The following ZNF385B variants were observed in gnomAD, a reference collection of about 807,000 sequenced individuals.
ZNF385B encodes zinc finger protein 533.
ZNF385B carries 23 observed loss-of-function variants against 39.2 expected under a neutral mutation model. That is an observed-to-expected ratio of 0.59 (90% CI 0.42 to 0.83). The LOEUF is 0.83. ZNF385B is among the 40% of genes least tolerant of loss of function. The probability of loss-of-function intolerance (pLI) is 0.00; values close to 1 mark genes in which losing one functional copy is unlikely to be tolerated. For missense variants in ZNF385B, 552 were observed against 598.9 expected, an observed-to-expected ratio of 0.92 and a Z score of 0.82; for synonymous variants, 205 against 222.6, an observed-to-expected ratio of 0.92 and a Z score of 0.70.
chr2:179,802,823 T>C (rs1024443856), intron 1 of ZNF385B, among the ~76,000 whole-genome samples: 9 of 152,126 alleles, frequency 5.9e-5, no homozygotes, highest in Non-Finnish European at 1.0e-4. Flanking sequence ...TGCTGCTTGT[T>C]ATAAGGTCTG....
At chr2:179,833,835 T>C (rs1488908393) in intron 1 of ZNF385B, among the ~76,000 whole-genome samples, 5 of 152,094 alleles carry the variant, frequency 3.3e-5, no homozygotes, top group African/African-American at 1.2e-4. Context: ...AGAAAAAGAA[T>C]GCAGGTAACT....
Position 179,749,115 on chromosome 2 carries a change from TACAGCA to T in ZNF385B, c.298+20382_298+20387del. Among the ~76,000 whole-genome samples the T allele has an allele frequency of 3.3e-5, 5 of 152,132 alleles. 1 individual carries two copies. The highest frequency in any genetic ancestry group is 3.3e-4 in the Admixed American group (5 of 15,236). On this transcript the variant is annotated intron_variant, in intron 3 of 9. Transcript: ENST00000410066. ...TGGTGCCCTGAAGGTTTGATGGAGT[TACAGCA>T]GCTTCCAAAAGTAACTTACTATCCT...
At chr2:179,464,819 T>C (rs1559271935) in intron 6 of ZNF385B, among the ~76,000 whole-genome samples, 1 of 152,216 alleles carries the variant, frequency 6.6e-6, no homozygotes, top group Non-Finnish European at 1.5e-5. Context: ...CAGGATTGTC[T>C]TGGCTATGTG....
chr2:179,754,090 A>AT (rs1702857860), intron 3 of ZNF385B, among the ~76,000 whole-genome samples: 1 of 152,054 alleles, frequency 6.6e-6, no homozygotes, highest in South Asian at 2.1e-4. Flanking sequence ...AGCTCTTATT[A>AT]TTTTCAGATA....
At chr2:179,529,138 G>A (rs1306176678) in intron 4 of ZNF385B, among the ~76,000 whole-genome samples, 8 of 152,238 alleles carry the variant, frequency 5.3e-5, no homozygotes, top group Non-Finnish European at 8.8e-5. Context: ...TATCGCATAG[G>A]TGTTCATATT....
At chr2:179,721,891 A>G (rs1700720307) in intron 3 of ZNF385B, among the ~76,000 whole-genome samples, 1 of 152,076 alleles carries the variant, frequency 6.6e-6, no homozygotes, top group Admixed American at 6.5e-5. Context: ...AAAAAACAAT[A>G]CAAGGTCTAA....
chr2:179,556,783 T>C (rs2060933512), intron 3 of ZNF385B, among the ~76,000 whole-genome samples: 1 of 149,086 alleles, frequency 6.7e-6, no homozygotes, highest in South Asian at 2.2e-4. Flanking sequence ...CTGATGCTGA[T>C]GCTTCTTTGC....
At chr2:179,540,023 C>T (rs1208506104) in intron 4 of ZNF385B, among the ~76,000 whole-genome samples, 2 of 152,166 alleles carry the variant, frequency 1.3e-5, no homozygotes, top group African/African-American at 2.4e-5. Context: ...TAACTAAATA[C>T]TCTTAAAGCT....
intron 3 of ZNF385B, 52 bp from the exon 4 acceptor site, chr2:179,545,021 C>T: frequency 1.2e-6 from 2 of 1,610,610 alleles, no homozygotes; most frequent in South Asian, 2.2e-5. Context: ...CATCCATCTC[C>T]CTCCCAAACC....
chr2:179,673,900 A>G (rs1696391909), intron 3 of ZNF385B, among the ~76,000 whole-genome samples: 1 of 152,226 alleles, frequency 6.6e-6, no homozygotes. Flanking sequence ...AATAAGATTT[A>G]TAAACCTTTT....
chr2:179,602,457 C>A lies in ZNF385B; in HGVS notation c.299-57488G>T, dbSNP rs566793563. On this transcript the variant is annotated intron_variant, in intron 3 of 9. Transcript: ENST00000410066. Reference sequence around the variant, plus strand: ...GTGATCCACCTGCCTTGGCCTCCTCCCAAAGTGCTGGGATTACAGGTGTGA... The same window carrying A: ...GTGATCCACCTGCCTTGGCCTCCTCACAAAGTGCTGGGATTACAGGTGTGA... Among the ~76,000 whole-genome samples the A allele has an allele frequency of 3.3e-5, 5 of 152,164 alleles. No homozygotes were observed. In the East Asian group the frequency reaches 9.7e-4, roughly 29 times the overall value.
intron 5 of ZNF385B, among the ~76,000 whole-genome samples, chr2:179,511,645 C>G (rs192159770): frequency 6.5e-4 from 99 of 152,296 alleles, no homozygotes; most frequent in South Asian, 1.2e-3. Context: ...AAGAGTAGCA[C>G]AGTCAGGTCA....
intron 3 of ZNF385B, among the ~76,000 whole-genome samples, chr2:179,679,489 C>A (rs937062242): frequency 6.6e-6 from 1 of 152,084 alleles, no homozygotes; most frequent in Non-Finnish European, 1.5e-5. Context: ...CTAAACTGAC[C>A]CTGGCTTACA....
chr2:179,673,049 C>T (rs142399475), intron 3 of ZNF385B, among the ~76,000 whole-genome samples: 238 of 152,224 alleles, frequency 1.6e-3, no homozygotes, highest in African/African-American at 5.4e-3. Context: ...CAAGAAAAGC[C>T]GTCTGTTTTG....
rs139880905 is a variant in ZNF385B, at chr2:179,771,083, G to C, written c.-154-411C>G. Among the ~76,000 whole-genome samples the C allele has an allele frequency of 7.3e-3, 1,111 of 152,234 alleles. 9 individuals carry two copies. The highest frequency in any genetic ancestry group is 0.025 in the African/African-American group (1,020 of 41,528). On this transcript the variant is annotated intron_variant, in intron 1 of 9. Coordinates refer to ENST00000410066, the MANE Select transcript of ZNF385B (RefSeq NM_152520.6). ...GGTATGTGTGGGAAAGAATGGCTGA[G>C]GTGGCAGTGCTGTGCCATAAGAGAT...
chr2:179,731,302 A>T lies in ZNF385B; in HGVS notation c.298+38201T>A, dbSNP rs1284622780. ...ATGAGGTACATTTCATAAATGAGAA[A>T]ACTGAGTTTAGGGAGGTAAGAGAAC... On this transcript the variant is annotated intron_variant, in intron 3 of 9. Coordinates refer to ENST00000410066, the MANE Select transcript of ZNF385B (RefSeq NM_152520.6). Among the ~76,000 whole-genome samples the T allele has an allele frequency of 3.9e-5, 6 of 152,318 alleles. No homozygotes were observed. The East Asian group carries it at 1.2e-3, about 29-fold the overall frequency.
chr2:179,811,609 T>C (rs1422423338), intron 1 of ZNF385B, among the ~76,000 whole-genome samples: 1 of 152,212 alleles, frequency 6.6e-6, no homozygotes, highest in South Asian at 2.1e-4. Flanking sequence ...TGAAGAAGAA[T>C]AAAACTAGAC....
At position 179,504,825 on chromosome 2, in the gene ZNF385B, A is replaced by C. The variant is rs527256770; in HGVS notation, c.552+13703T>G. 2.6e-5 allele frequency among the ~76,000 whole-genome samples: 4 copies of C among 152,100 alleles called. No individual in the cohort carries two copies. In the East Asian group the frequency reaches 5.8e-4, roughly 22 times the overall value. ...AAGTATAATTTAAAGAAAAAAAAAA[A>C]AACCAGATCTCAGGAGAACTCACTC... On this transcript the variant is annotated intron_variant, in intron 5 of 9. Coordinates refer to ENST00000410066, the MANE Select transcript of ZNF385B (RefSeq NM_152520.6).
chr2:179,506,687 G>T (rs1231269019), intron 5 of ZNF385B, among the ~76,000 whole-genome samples: 1 of 151,970 alleles, frequency 6.6e-6, no homozygotes, highest in Non-Finnish European at 1.5e-5. Flanking sequence ...AATATTTAGT[G>T]GCATAGTACT....
Sources: allele counts gnomAD v4.1 joint callset (sites outside exome capture counted in the v4.1 genomes callset), GRCh38; gene constraint gnomAD v4.1.1; transcripts MANE v1.5; gene names NCBI Gene and HGNC (gene_info 2026-07-23, HGNC 2026-07-21).